The following SV2B variants were observed in gnomAD, a reference collection of about 807,000 sequenced individuals.
SV2B encodes the protein synaptic vesicle glycoprotein 2B.
A neutral mutation model predicts 73.9 loss-of-function variants in SV2B; 41 were observed. The observed-to-expected ratio is 0.56, with a 90% CI of 0.43 to 0.72. The LOEUF is 0.72. Among genes scored for constraint, SV2B ranks in the 30% least tolerant of loss-of-function variants. SV2B has a pLI of 0.00. For missense variants in SV2B, 764 were observed against 857.8 expected (o/e 0.89, Z 1.37); for synonymous variants, 314 against 314.2 (o/e 1.00, Z 0.01).
rs1474935647 is a variant in SV2B at position 91,227,767 on chromosome 15, C to A, written c.451+1053C>A. ...TTGAACAAACAGACATTAACAAACACAGAGAATTATTTGGTTACTGTAGGG... is the reference window on the plus strand; with the variant it reads ...TTGAACAAACAGACATTAACAAACAAAGAGAATTATTTGGTTACTGTAGGG... On this transcript the variant is annotated intron_variant, in intron 2 of 12. Transcript: ENST00000394232. This position sits in a 1 kb window ranked among gnomAD's most constrained non-coding sequence, Gnocchi z 4.5. 6.6e-6 allele frequency among the ~76,000 whole-genome samples: 1 copy of A among 152,212 alleles called. No homozygotes were observed. The highest frequency in any genetic ancestry group is 1.9e-4 in the East Asian group (1 of 5,200).
At chr15:91,167,827 T>C (rs1002629723) in intron 1 of SV2B, among the ~76,000 whole-genome samples, 1 of 152,250 alleles carries the variant, frequency 6.6e-6, no homozygotes, top group African/African-American at 2.4e-5. Flanking sequence ...TACAAGAATC[T>C]AAGTTCTGTT....
At chr15:91,143,849 A>C (rs967474071) in intron 1 of SV2B, among the ~76,000 whole-genome samples, 2 of 152,256 alleles carry the variant, frequency 1.3e-5, no homozygotes, top group African/African-American at 4.8e-5. Flanking sequence ...TGCAAAATTA[A>C]ATGAGCACTG....
At position 91,229,788 on chromosome 15, in the gene SV2B, A is replaced by G. The variant is rs571717083; in HGVS notation, c.451+3074A>G. ...CTGATTGCTTGATAATGACTCAGGA[A>G]CAGATTTTCTCAGGTGAGACTGCAA... On this transcript the variant is annotated intron_variant, in intron 2 of 12. Transcript: ENST00000394232. This position sits in a 1 kb window ranked among gnomAD's most constrained non-coding sequence, Gnocchi z 4.3. Among the ~76,000 whole-genome samples the G allele has an allele frequency of 5.2e-4, 79 of 152,336 alleles. 2 individuals are homozygous for G. The highest frequency in any genetic ancestry group is 1.8e-3 in the African/African-American group (75 of 41,568).
chr15:91,288,797 C>T lies in SV2B; in HGVS notation c.1709-724C>T, dbSNP rs1055595457. On this transcript the variant is annotated intron_variant, in intron 11 of 12. Coordinates refer to ENST00000394232, the MANE Select transcript of SV2B (RefSeq NM_001323032.3). This position sits in a 1 kb window ranked among gnomAD's most constrained non-coding sequence, Gnocchi z 5.8. ...GCTTCAAATAATTCTCGTGCCTCAGCCTCCCAAGTAGCTGGGATTACAGGT... is the reference window on the plus strand; with the variant it reads ...GCTTCAAATAATTCTCGTGCCTCAGTCTCCCAAGTAGCTGGGATTACAGGT... 3.9e-5 allele frequency among the ~76,000 whole-genome samples: 6 copies of T among 152,100 alleles called. No homozygotes were observed. Among genetic ancestry groups the T allele is most frequent in the Admixed American group, 1.3e-4 (2 of 15,274 alleles).
Position 91,234,809 on chromosome 15 carries a change from C to T in SV2B, c.451+8095C>T, listed in dbSNP as rs1420107763. Among the ~76,000 whole-genome samples the T allele has an allele frequency of 6.6e-6, 1 of 152,142 alleles. No homozygotes were observed. On this transcript the variant is annotated intron_variant, in intron 2 of 12. Coordinates refer to ENST00000394232, the MANE Select transcript of SV2B (RefSeq NM_001323032.3). The surrounding 1 kb of genome is among the most constrained non-coding windows in gnomAD (Gnocchi z 5.6). ...TTTCTCTCAGTGTTCCCCAAAGAGA[C>T]CTGTGGGCTTTTACTAGGTGACTGT...
chr15:91,181,089 G>C (rs1187175450), intron 1 of SV2B, among the ~76,000 whole-genome samples: 1 of 152,160 alleles, frequency 6.6e-6, no homozygotes, highest in Non-Finnish European at 1.5e-5. Context: ...TGTCCTTTCT[G>C]TTTGTTAGTT....
At chr15:91,199,242 T>C (rs1055929419) in intron 1 of SV2B, among the ~76,000 whole-genome samples, 1 of 152,140 alleles carries the variant, frequency 6.6e-6, no homozygotes, top group Non-Finnish European at 1.5e-5. Flanking sequence ...TTTTGGAACA[T>C]ACTGTTTGAC....
chr15:91,248,245 C>T (rs1484650559), intron 2 of SV2B, among the ~76,000 whole-genome samples: 10 of 152,022 alleles, frequency 6.6e-5, no homozygotes, highest in African/African-American at 1.7e-4. Context: ...GGCGTGAACC[C>T]GGGAGGCGGA....
rs1436841436 is a variant in SV2B at position 91,296,049 on chromosome 15, A to G, written c.*3497A>G. 6.6e-6 allele frequency: 1 copy of G among 151,774 alleles called. No individual in the cohort carries two copies. The highest frequency in any genetic ancestry group is 6.6e-5 in the Admixed American group (1 of 15,258). The allele number at this position is 151,774 out of a possible 1,614,324, so 9.4% of individuals were successfully genotyped here. A position where few individuals can be genotyped will look rare whatever the true frequency, so the allele number is the denominator to read the frequency against. Reference sequence around the variant, plus strand: ...GCTCCCTCTTATTTTTTTTTCTTTGAGGAGTGTACCAATTTTTTATCTTTA... The same window carrying G: ...GCTCCCTCTTATTTTTTTTTCTTTGGGGAGTGTACCAATTTTTTATCTTTA... On this transcript the variant is annotated 3_prime_UTR_variant, in exon 13 of 13. Transcript: ENST00000394232.
intron 1 of SV2B, among the ~76,000 whole-genome samples, chr15:91,176,564 C>G (rs543576702): frequency 6.6e-6 from 1 of 152,262 alleles, no homozygotes; most frequent in South Asian, 2.1e-4. Context: ...TGTTTCCTGA[C>G]TTTTTAATGA....
At chr15:91,203,103 C>T (rs1431508307) in intron 1 of SV2B, among the ~76,000 whole-genome samples, 2 of 152,196 alleles carry the variant, frequency 1.3e-5, no homozygotes, top group Non-Finnish European at 2.9e-5. Flanking sequence ...CTAAGAACCT[C>T]TAGTGAGTCT....
chr15:91,244,082 G>A (rs1393103932), intron 2 of SV2B, among the ~76,000 whole-genome samples: 2 of 152,096 alleles, frequency 1.3e-5, no homozygotes, highest in Admixed American at 6.5e-5. Flanking sequence ...TATAATCCTA[G>A]GTTCTTTCAT....
At chr15:91,263,441 C>G (rs62652917) in intron 6 of SV2B, among the ~76,000 whole-genome samples, 16,864 of 151,654 alleles carry the variant, frequency 0.11, 1,031 homozygotes, top group African/African-American at 0.14. Context: ...CACATTAAGA[C>G]AGACACACAG....
At chr15:91,111,528 C>T (rs2042035363) in intron 1 of SV2B, among the ~76,000 whole-genome samples, 5 of 151,968 alleles carry the variant, frequency 3.3e-5, no homozygotes, top group African/African-American at 9.7e-5. Flanking sequence ...GGGGGCCAGG[C>T]AAAGCTATTG....
chr15:91,120,018 A>C (rs990738393), intron 1 of SV2B, among the ~76,000 whole-genome samples: 2 of 152,238 alleles, frequency 1.3e-5, no homozygotes, highest in African/African-American at 4.8e-5. Context: ...AAATATTCTC[A>C]TAAGTGTTGC....
intron 2 of SV2B, among the ~76,000 whole-genome samples, chr15:91,248,080 G>T (rs1166711475): frequency 2.0e-5 from 3 of 152,156 alleles, no homozygotes; most frequent in African/African-American, 7.2e-5. Flanking sequence ...CCAGCACTTT[G>T]GGAGGCCGAG....
At chr15:91,158,837 T>C (rs2141243348) in intron 1 of SV2B, among the ~76,000 whole-genome samples, 1 of 151,414 alleles carries the variant, frequency 6.6e-6, no homozygotes, top group Middle Eastern at 3.4e-3. Flanking sequence ...TTTTGCACAA[T>C]GTTACCCCCA....
Position 91,141,910 on chromosome 15 carries a change from A to G in SV2B, c.-392+41547A>G, listed in dbSNP as rs967153381. Among the ~76,000 whole-genome samples, 14 of 152,186 alleles carry G rather than the reference A, an allele frequency of 9.2e-5. No individual in the cohort carries two copies. The highest frequency in any genetic ancestry group is 2.9e-4 in the African/African-American group (12 of 41,452). On this transcript the variant is annotated intron_variant, in intron 1 of 12. Transcript: ENST00000394232. The surrounding 1 kb of genome is among the most constrained non-coding windows in gnomAD (Gnocchi z 4.6). ...GGCAGTAGAGAACACAGGGTCCCACAGTGGATCCTCAGAGCAAGGATCCTC... is the reference window on the plus strand; with the variant it reads ...GGCAGTAGAGAACACAGGGTCCCACGGTGGATCCTCAGAGCAAGGATCCTC...
chr15:91,286,514 A>T (rs368160341), intron 11 of SV2B, among the ~76,000 whole-genome samples: 1 of 152,216 alleles, frequency 6.6e-6, no homozygotes, highest in Non-Finnish European at 1.5e-5. Context: ...AGTAATTGAG[A>T]CAGACAGTAT....
Sources: allele counts gnomAD v4.1 joint callset (sites outside exome capture counted in the v4.1 genomes callset), GRCh38; gene constraint gnomAD v4.1.1; non-coding constraint Gnocchi (gnomAD v3.1); transcripts MANE v1.5; gene names NCBI Gene and HGNC (gene_info 2026-07-23, HGNC 2026-07-21).